CACNA2D3: variants seen among roughly 807,000 people sequenced by gnomAD.
CACNA2D3 encodes calcium voltage-gated channel auxiliary subunit alpha2delta 3.
CACNA2D3 carries 60 observed loss-of-function variants against 160.6 expected under a neutral mutation model. The ratio of observed to expected loss-of-function variants is 0.37; its 90% confidence interval spans 0.30 to 0.46. The LOEUF is 0.46. Among genes scored for constraint, CACNA2D3 ranks in the 20% least tolerant of loss-of-function variants. The probability of loss-of-function intolerance (pLI) is 1.00; values close to 1 mark genes in which losing one functional copy is unlikely to be tolerated. For synonymous variants in CACNA2D3, 558 were observed against 492.9 expected, an observed-to-expected ratio of 1.13 and a Z score of -1.75; for missense variants, 1,205 against 1,365.0, an observed-to-expected ratio of 0.88 and a Z score of 1.85.
intron 12 of CACNA2D3, among the ~76,000 whole-genome samples, chr3:54,754,469 A>C (rs1701933971): frequency 1.3e-5 from 2 of 152,168 alleles, no homozygotes; most frequent in South Asian, 4.1e-4. Flanking sequence ...CTGGTATGTA[A>C]GTGCCCTGAG....
chr3:54,438,970 G>T lies in CACNA2D3; in HGVS notation c.381+52196G>T, dbSNP rs367699410. 3.9e-5 allele frequency among the ~76,000 whole-genome samples: 6 copies of T among 152,318 alleles called. No homozygotes were observed. The East Asian group carries it at 9.7e-4, about 25-fold the overall frequency. On this transcript the variant is annotated intron_variant, in intron 4 of 37. Transcript: ENST00000474759. ...TGTACCTCCTATAACTCTGCAGAAG[G>T]TATGTGGGAATACAAGTGCCCAATC...
intron 27 of CACNA2D3, among the ~76,000 whole-genome samples, chr3:54,907,365 T>C (rs2106902648): frequency 6.6e-6 from 1 of 152,208 alleles, no homozygotes; most frequent in Non-Finnish European, 1.5e-5. Flanking sequence ...ACATTTATTT[T>C]ACCACCAGAG....
At chr3:54,623,592 A>C (rs1699036525) in intron 9 of CACNA2D3, among the ~76,000 whole-genome samples, 1 of 152,220 alleles carries the variant, frequency 6.6e-6, no homozygotes, top group Non-Finnish European at 1.5e-5. Context: ...TCCAGGTCTT[A>C]GACCTTCCTC....
intron 11 of CACNA2D3, among the ~76,000 whole-genome samples, chr3:54,682,037 C>T (rs954894795): frequency 2.0e-5 from 3 of 151,994 alleles, no homozygotes; most frequent in African/African-American, 7.2e-5. Context: ...AAATAAGTGA[C>T]CTGCCCAAAA....
chr3:54,685,101 CCT>C (rs1298278200), intron 11 of CACNA2D3, among the ~76,000 whole-genome samples: 2 of 152,130 alleles, frequency 1.3e-5, no homozygotes, highest in Non-Finnish European at 2.9e-5. Context: ...AGAACAAAAG[CCT>C]GTGGGGCATA....
intron 16 of CACNA2D3, among the ~76,000 whole-genome samples, chr3:54,842,733 T>C: frequency 6.6e-6 from 1 of 151,820 alleles, no homozygotes; most frequent in Admixed American, 6.6e-5. Context: ...CCAGAGTATC[T>C]GGGATTACAG....
chr3:54,425,709 G>T (rs989472572), intron 4 of CACNA2D3, among the ~76,000 whole-genome samples: 2 of 152,188 alleles, frequency 1.3e-5, no homozygotes, highest in Non-Finnish European at 1.5e-5. Flanking sequence ...CTCAGATGTT[G>T]CTTGTGTCAG....
chr3:54,791,128 A>G (rs990598275), intron 13 of CACNA2D3, among the ~76,000 whole-genome samples: 7 of 152,268 alleles, frequency 4.6e-5, no homozygotes, highest in African/African-American at 1.7e-4. Flanking sequence ...ACTCAGCAGA[A>G]TGCCTCCACA....
intron 13 of CACNA2D3, among the ~76,000 whole-genome samples, chr3:54,771,477 G>C (rs1702320896): frequency 6.6e-6 from 1 of 152,120 alleles, no homozygotes; most frequent in African/African-American, 2.4e-5. Flanking sequence ...AGCTCATTCA[G>C]CTTGTTGGCA....
At chr3:54,794,969 T>C (rs147161891) in intron 13 of CACNA2D3, among the ~76,000 whole-genome samples, 20 of 152,262 alleles carry the variant, frequency 1.3e-4, no homozygotes, top group Non-Finnish European at 2.6e-4. Flanking sequence ...TAGTCATTAT[T>C]TCTTCAGATA....
intron 4 of CACNA2D3, among the ~76,000 whole-genome samples, chr3:54,443,988 G>A (rs922449746): frequency 1.3e-5 from 2 of 152,078 alleles, no homozygotes; most frequent in Admixed American, 6.6e-5. Context: ...CATTTGCAGC[G>A]AACTTGAAAG....
chr3:54,955,517 C>G (rs1261366355), intron 27 of CACNA2D3, among the ~76,000 whole-genome samples: 1 of 152,168 alleles, frequency 6.6e-6, no homozygotes, highest in Non-Finnish European at 1.5e-5. Context: ...GAGAGTCCCT[C>G]CCTGCACTTA....
intron 11 of CACNA2D3, among the ~76,000 whole-genome samples, chr3:54,743,111 A>G (rs1454308077): frequency 6.6e-6 from 1 of 152,210 alleles, no homozygotes; most frequent in East Asian, 1.9e-4. Flanking sequence ...TAATTTCCCA[A>G]ATTTGTGAAA....
At chr3:54,437,417 A>C (rs1700077362) in intron 4 of CACNA2D3, among the ~76,000 whole-genome samples, 1 of 152,224 alleles carries the variant, frequency 6.6e-6, no homozygotes. Flanking sequence ...TAAGTAAAAT[A>C]AAACCCCTTG....
intron 4 of CACNA2D3, among the ~76,000 whole-genome samples, chr3:54,496,349 T>C (rs1265956355): frequency 6.6e-6 from 1 of 152,202 alleles, no homozygotes; most frequent in Admixed American, 6.5e-5. Flanking sequence ...GCACTTCTAG[T>C]GGGTATAAAA....
intron 29 of CACNA2D3, among the ~76,000 whole-genome samples, chr3:54,970,159 T>C (rs1262927775): frequency 2.6e-5 from 4 of 152,076 alleles, no homozygotes; most frequent in Admixed American, 2.6e-4. Context: ...TTCTCAAACC[T>C]TTTTCTACAT....
chr3:54,386,680 T>C, intron 3 of CACNA2D3, 35 bp from the exon 4 acceptor site: 8 of 1,524,860 alleles, frequency 5.2e-6, no homozygotes, highest in African/African-American at 1.4e-5. Flanking sequence ...TTCTGATCCT[T>C]AATGCTGTCT....
At position 54,963,551 on chromosome 3, in the gene CACNA2D3, T is replaced by G. The variant is rs543453754; in HGVS notation, c.2450-4899T>G. 2.0e-5 allele frequency among the ~76,000 whole-genome samples: 3 copies of G among 152,350 alleles called. No homozygotes were observed. The East Asian group carries it at 5.8e-4, about 29-fold the overall frequency. On this transcript the variant is annotated intron_variant, in intron 27 of 37. Transcript: ENST00000474759. The stretch of plus-strand genomic sequence containing the variant: ...TTTTATTTAAATAGCCACATGTAAC[T>G]AATGGCCACTAATTTGGACAGCACA...
chr3:54,967,691 C>T (rs1166744862), intron 27 of CACNA2D3, among the ~76,000 whole-genome samples: 2 of 152,110 alleles, frequency 1.3e-5, no homozygotes, highest in East Asian at 1.9e-4. Context: ...GAGATGGTTT[C>T]AGGTCTTTCA....
Sources: gnomAD v4.1 joint callset for allele counts (sites outside exome capture counted in the v4.1 genomes callset) on GRCh38, gnomAD v4.1.1 for gene constraint, MANE v1.5 for transcripts, NCBI Gene and HGNC (gene_info 2026-07-23, HGNC 2026-07-21) for gene names.